The following SATL1 variants were observed in gnomAD, a reference collection of about 807,000 sequenced individuals.
SATL1 encodes spermidine/spermine N(1)-acetyltransferase-like protein 1.
SATL1 carries 47 observed loss-of-function variants against 51.8 expected under a neutral mutation model. The observed-to-expected ratio is 0.91, with a 90% CI of 0.72 to 1.16. The LOEUF is 1.16. SATL1 is among the 50% of genes most tolerant of loss of function. The pLI, the probability that SATL1 is intolerant of heterozygous loss-of-function variation, is 0.00. For missense variants in SATL1, 520 were observed against 526.4 expected (o/e 0.99, Z 0.12); for synonymous variants, 176 against 182.4 (o/e 0.97, Z 0.28).
rs146427203 is a variant in SATL1, at chrX:85,183,130, G to A, written c.-313+41075C>T. 2.2e-3 allele frequency among the ~76,000 whole-genome samples: 245 copies of A among 111,128 alleles called. 1 individual carries two copies. The highest frequency in any genetic ancestry group is 7.5e-3 in the African/African-American group (229 of 30,701). On this transcript the variant is annotated intron_variant, in intron 2 of 7. Transcript: ENST00000644105. ...TTTTGTTGCATATGCTTTTGAGGTCGTAATCATAAAGTCTTTTCCCAGATC... is the reference window on the plus strand; with the variant it reads ...TTTTGTTGCATATGCTTTTGAGGTCATAATCATAAAGTCTTTTCCCAGATC...
intron 2 of SATL1, among the ~76,000 whole-genome samples, chrX:85,204,219 C>T (rs1259076329): frequency 8.9e-6 from 1 of 111,869 alleles, no homozygotes; most frequent in Non-Finnish European, 1.9e-5. Flanking sequence ...CTCCCTGTTG[C>T]TCCCAGGTGG....
intron 2 of SATL1, among the ~76,000 whole-genome samples, chrX:85,152,197 C>T (rs1347298091): frequency 8.9e-6 from 1 of 111,962 alleles, no homozygotes; most frequent in African/African-American, 3.2e-5. Context: ...ATTTATGCAG[C>T]CAAAAGACAC....
chrX:85,199,715 C>T (rs1356881295), intron 2 of SATL1, among the ~76,000 whole-genome samples: 1 of 111,605 alleles, frequency 9.0e-6, no homozygotes, highest in Non-Finnish European at 1.9e-5. Context: ...TTCATGAGAG[C>T]TAAAAATTAA....
intron 2 of SATL1, among the ~76,000 whole-genome samples, chrX:85,180,729 G>A (rs1412102296): frequency 9.0e-6 from 1 of 110,951 alleles, no homozygotes; most frequent in Non-Finnish European, 1.9e-5. Context: ...GGTGGAATGT[G>A]CTTAAAATTA....
intron 2 of SATL1, among the ~76,000 whole-genome samples, chrX:85,123,616 G>A (rs1925554981): frequency 9.0e-6 from 1 of 111,462 alleles, no homozygotes; most frequent in Non-Finnish European, 1.9e-5. Flanking sequence ...TCTGTAGGTT[G>A]TCTGTTTACT....
chrX:85,101,127 A>T (rs1045903896), intron 4 of SATL1, among the ~76,000 whole-genome samples: 1 of 112,548 alleles, frequency 8.9e-6, no homozygotes, highest in Non-Finnish European at 1.9e-5. Context: ...TCTTCAAGAC[A>T]TTGAATTTGG....
chrX:85,219,851 G>T (rs755434294), intron 2 of SATL1, among the ~76,000 whole-genome samples: 1 of 109,033 alleles, frequency 9.2e-6, no homozygotes, highest in East Asian at 2.9e-4. Context: ...GGAATAGAAG[G>T]CTCCACCAAT....
intron 1 of SATL1, among the ~76,000 whole-genome samples, chrX:85,229,433 C>A (rs1375465515): frequency 1.8e-5 from 2 of 111,254 alleles, no homozygotes; most frequent in Non-Finnish European, 3.8e-5. Context: ...ACTAGCAAAC[C>A]AAATTCAATA....
intron 2 of SATL1, among the ~76,000 whole-genome samples, chrX:85,165,657 C>A (rs1926818622): frequency 9.0e-6 from 1 of 111,452 alleles, no homozygotes; most frequent in East Asian, 2.8e-4. Flanking sequence ...TTTCTGGTTT[C>A]TTCTCATTTG....
chrX:85,199,823 A>T (rs780124967), intron 2 of SATL1, among the ~76,000 whole-genome samples: 13 of 111,739 alleles, frequency 1.2e-4, no homozygotes, highest in Non-Finnish European at 2.4e-4. Flanking sequence ...TGGTTGGGGG[A>T]TTGGACATGA....
chrX:85,115,537 G>A (rs142363488), intron 2 of SATL1, among the ~76,000 whole-genome samples: 23 of 112,265 alleles, frequency 2.0e-4, no homozygotes, highest in African/African-American at 6.5e-4. Flanking sequence ...TATCCACAGA[G>A]GAGCCCATGT....
chrX:85,130,091 A>G (rs988117408), intron 2 of SATL1, among the ~76,000 whole-genome samples: 5 of 111,889 alleles, frequency 4.5e-5, no homozygotes, highest in Non-Finnish European at 9.4e-5. Flanking sequence ...CATCAGGGAT[A>G]TTCATCTAAA....
intron 4 of SATL1, among the ~76,000 whole-genome samples, chrX:85,101,466 A>T (rs766095190): frequency 1.8e-5 from 2 of 112,566 alleles, no homozygotes; most frequent in Admixed American, 1.9e-4. Context: ...AGTGCAATGC[A>T]CATCAAAACA....
chrX:85,093,688 G>A (rs1444730860), intron 6 of SATL1, among the ~76,000 whole-genome samples: 1 of 111,529 alleles, frequency 9.0e-6, no homozygotes, highest in Non-Finnish European at 1.9e-5. Context: ...GGGCAACACA[G>A]ACCCTGTTTC....
chrX:85,103,987 T>G lies in SATL1; in HGVS notation c.1642-72A>C, dbSNP rs1438010680. 8 of 811,171 alleles carry G rather than the reference T, an allele frequency of 9.9e-6. No individual in the cohort carries two copies. The African/African-American group carries it at 1.2e-4, about 12-fold the overall frequency. 66.8% of individuals were successfully genotyped at this position (811,171 alleles called of 1,213,427 possible). ...ATTAAGATGATAATCATCATAAAAT[T>G]TGTATTAAACATTTATTGACATGTG... On this transcript the variant is annotated intron_variant, in intron 3 of 7. Transcript: ENST00000644105.
intron 1 of SATL1, among the ~76,000 whole-genome samples, chrX:85,239,132 A>C (rs1045553429): frequency 3.6e-5 from 4 of 111,177 alleles, no homozygotes; most frequent in Admixed American, 9.6e-5. Flanking sequence ...ATAAAATGAA[A>C]TAAAATAAAA....
intron 2 of SATL1, among the ~76,000 whole-genome samples, chrX:85,111,964 T>C (rs2147695330): frequency 8.9e-6 from 1 of 111,913 alleles, no homozygotes; most frequent in African/African-American, 3.2e-5. Context: ...GCAACCTCAA[T>C]TCTGGCTTCC....
At chrX:85,186,274 C>G (rs772927422) in intron 2 of SATL1, among the ~76,000 whole-genome samples, 29 of 107,037 alleles carry the variant, frequency 2.7e-4, no homozygotes, top group Non-Finnish European at 5.0e-4. Flanking sequence ...AGGAAGGAGT[C>G]TCTCTCAGAC....
intron 2 of SATL1, among the ~76,000 whole-genome samples, chrX:85,144,453 A>G (rs1046948613): frequency 4.5e-5 from 5 of 111,579 alleles, no homozygotes; most frequent in Non-Finnish European, 9.4e-5. Context: ...ACATACTCGG[A>G]TACTCAGAGA....
Sources: gnomAD v4.1 joint callset for allele counts (sites outside exome capture counted in the v4.1 genomes callset) on GRCh38, gnomAD v4.1.1 for gene constraint, MANE v1.5 for transcripts, NCBI Gene and HGNC (gene_info 2026-07-23, HGNC 2026-07-21) for gene names.